Variants in ADGRB3 observed in about 807,000 individuals in gnomAD.
ADGRB3 encodes the protein brain-specific angiogenesis inhibitor 3.
Under a neutral mutation model 193.4 loss-of-function variants are expected in ADGRB3, and 37 were observed. The ratio of observed to expected loss-of-function variants is 0.19; its 90% CI spans 0.15 to 0.25. ADGRB3 has a LOEUF of 0.25. Among genes scored for constraint, ADGRB3 ranks in the 10% least tolerant of loss-of-function variants. ADGRB3 has a pLI of 1.00. For missense variants in ADGRB3, 1,637 were observed against 1,852.9 expected, an observed-to-expected ratio of 0.88 and a Z score of 2.14; for synonymous variants, 690 against 644.2, an observed-to-expected ratio of 1.07 and a Z score of -1.08.
intron 3 of ADGRB3, among the ~76,000 whole-genome samples, chr6:68,722,739 G>A (rs750055205): frequency 4.6e-5 from 7 of 150,710 alleles, no homozygotes; most frequent in African/African-American, 1.2e-4. Flanking sequence ...AGACTGTCCC[G>A]TAACATGAGA....
chr6:68,723,811 C>T (rs1009605162), intron 3 of ADGRB3, among the ~76,000 whole-genome samples: 28 of 151,696 alleles, frequency 1.8e-4, no homozygotes, highest in Admixed American at 1.3e-4. Flanking sequence ...CCACTACAAA[C>T]GGTGGTTCTC....
At chr6:69,229,335 T>C (rs751456891) in intron 17 of ADGRB3, among the ~76,000 whole-genome samples, 5 of 152,146 alleles carry the variant, frequency 3.3e-5, no homozygotes, top group Non-Finnish European at 7.4e-5. Context: ...AAAAGTAATA[T>C]AGATTTGCCT....
chr6:68,861,478 C>T (rs1300788926), intron 3 of ADGRB3, among the ~76,000 whole-genome samples: 2 of 152,024 alleles, frequency 1.3e-5, no homozygotes, highest in Non-Finnish European at 2.9e-5. Flanking sequence ...AGGAGAATGG[C>T]GTGAACCCGG....
intron 3 of ADGRB3, among the ~76,000 whole-genome samples, chr6:68,704,369 A>G (rs1412339040): frequency 6.6e-6 from 1 of 152,216 alleles, no homozygotes; most frequent in Non-Finnish European, 1.5e-5. Context: ...AAAGTTAAGA[A>G]GAGAACAGCA....
At chr6:68,656,658 A>G (rs993173951) in intron 3 of ADGRB3, among the ~76,000 whole-genome samples, 3 of 151,508 alleles carry the variant, frequency 2.0e-5, no homozygotes, top group African/African-American at 7.2e-5. Flanking sequence ...TTGACATTTT[A>G]AATTAAGACT....
At position 69,349,803 on chromosome 6, in the gene ADGRB3, T is replaced by C. The variant is rs192060652; in HGVS notation, c.3460-4430T>C. 2.7e-3 allele frequency among the ~76,000 whole-genome samples: 415 copies of C among 152,318 alleles called. 2 individuals are homozygous for C. Among genetic ancestry groups the C allele is most frequent in the Admixed American group, 8.0e-3 (122 of 15,308 alleles). On this transcript the variant is annotated intron_variant, in intron 26 of 31. Transcript: ENST00000370598. The stretch of plus-strand genomic sequence containing the variant: ...TCTTGAATAGGAAATCAAGAAGAAT[T>C]ACTGTAGGTAAAACTGTCTTCTTAA...
rs891722026 is a variant in ADGRB3, at chr6:68,776,152, G to C, written c.757+136720G>C. On this transcript the variant is annotated intron_variant, in intron 3 of 31. Coordinates refer to ENST00000370598, the MANE Select transcript of ADGRB3 (RefSeq NM_001704.3). Reference sequence around the variant, plus strand: ...CTTATCCTACTTCCCTAATATATTGGCCATTTCACTGCTTAATAGCACTCA... The same window carrying C: ...CTTATCCTACTTCCCTAATATATTGCCCATTTCACTGCTTAATAGCACTCA... 7.2e-5 allele frequency among the ~76,000 whole-genome samples: 11 copies of C among 152,090 alleles called. No individual in the cohort carries two copies. In the East Asian group the frequency reaches 2.1e-3, roughly 29 times the overall value.
At chr6:68,662,495 A>C (rs1256708409) in intron 3 of ADGRB3, among the ~76,000 whole-genome samples, 1 of 151,580 alleles carries the variant, frequency 6.6e-6, no homozygotes, top group Non-Finnish European at 1.5e-5. Flanking sequence ...TGAATAATTA[A>C]AGCTGTGGTC....
rs1008854467 is a variant in ADGRB3, at chr6:69,007,026, T to C, written c.1930-7012T>C. Among the ~76,000 whole-genome samples the C allele has an allele frequency of 2.0e-5, 3 of 152,112 alleles. No homozygotes were observed. In the East Asian group the frequency reaches 5.8e-4, roughly 29 times the overall value. ...TTAAACCTGCCCACTGGGTCTCTTTTCTTAGCTATGTTGTTGATCCCTCGT... is the reference window on the plus strand; with the variant it reads ...TTAAACCTGCCCACTGGGTCTCTTTCCTTAGCTATGTTGTTGATCCCTCGT... On this transcript the variant is annotated intron_variant, in intron 11 of 31. Coordinates refer to ENST00000370598, the MANE Select transcript of ADGRB3 (RefSeq NM_001704.3).
intron 3 of ADGRB3, among the ~76,000 whole-genome samples, chr6:68,887,004 A>G (rs1293444061): frequency 6.6e-6 from 1 of 151,800 alleles, no homozygotes; most frequent in African/African-American, 2.4e-5. Context: ...ATTATCTAAT[A>G]ATATTTGCAT....
chr6:68,685,683 C>A (rs894836017), intron 3 of ADGRB3, among the ~76,000 whole-genome samples: 2 of 151,780 alleles, frequency 1.3e-5, no homozygotes, highest in Non-Finnish European at 2.9e-5. Flanking sequence ...TCAAGACCAG[C>A]CTGACCAAGA....
intron 20 of ADGRB3, among the ~76,000 whole-genome samples, chr6:69,295,938 A>G (rs1379737709): frequency 7.2e-5 from 11 of 152,196 alleles, no homozygotes; most frequent in Admixed American, 7.2e-4. Context: ...GAATATGTCT[A>G]TGAATCAGGA....
intron 3 of ADGRB3, among the ~76,000 whole-genome samples, chr6:68,867,587 T>C (rs1170293443): frequency 6.6e-6 from 1 of 152,012 alleles, no homozygotes; most frequent in Non-Finnish European, 1.5e-5. Flanking sequence ...GACCCCAGAA[T>C]GGTAGGTCCA....
At chr6:68,884,361 AAAGAC>A (rs1765840402) in intron 3 of ADGRB3, among the ~76,000 whole-genome samples, 1 of 152,206 alleles carries the variant, frequency 6.6e-6, no homozygotes, top group Admixed American at 6.5e-5. Context: ...TAAGCGCTGC[AAAGAC>A]ATCATGGAGG....
At chr6:69,077,374 G>A (rs1772262195) in intron 17 of ADGRB3, among the ~76,000 whole-genome samples, 2 of 151,762 alleles carry the variant, frequency 1.3e-5, no homozygotes, top group South Asian at 4.2e-4. Flanking sequence ...AGAAACATGT[G>A]CTATCTTGAA....
chr6:68,687,177 A>G (rs1010977605), intron 3 of ADGRB3, among the ~76,000 whole-genome samples: 9 of 152,088 alleles, frequency 5.9e-5, no homozygotes, highest in East Asian at 1.9e-4. Context: ...AAGCCTAAAT[A>G]TATTTTTAAA....
intron 13 of ADGRB3, among the ~76,000 whole-genome samples, chr6:69,038,570 T>C (rs1770942505): frequency 6.6e-6 from 1 of 152,184 alleles, no homozygotes; most frequent in Admixed American, 6.5e-5. Flanking sequence ...TTTGTGTTCA[T>C]GTTTGGATTG....
intron 17 of ADGRB3, among the ~76,000 whole-genome samples, chr6:69,088,749 G>C (rs967557944): frequency 6.6e-6 from 1 of 151,996 alleles, no homozygotes; most frequent in Non-Finnish European, 1.5e-5. Flanking sequence ...AGTTTATTTT[G>C]CCACAGAAAA....
intron 3 of ADGRB3, among the ~76,000 whole-genome samples, chr6:68,693,743 AC>A (rs1765114553): frequency 6.6e-6 from 1 of 151,986 alleles, no homozygotes; most frequent in South Asian, 2.1e-4. Context: ...CTGAGGTCTG[AC>A]TATCTATTGA....
Sources: gnomAD v4.1 joint callset for allele counts (sites outside exome capture counted in the v4.1 genomes callset) on GRCh38, gnomAD v4.1.1 for gene constraint, MANE v1.5 for transcripts, NCBI Gene and HGNC (gene_info 2026-07-23, HGNC 2026-07-21) for gene names.